Variants in KLF8 observed in about 807,000 individuals in gnomAD.
The protein encoded by KLF8 is KLF transcription factor 8.
A neutral mutation model predicts 18.2 loss-of-function variants in KLF8; 10 were observed. That is an observed-to-expected ratio of 0.55 (90% confidence interval 0.34 to 0.93). KLF8 has a LOEUF of 0.93. Ranked by LOEUF, KLF8 falls within the 40% of genes least tolerant of loss-of-function variation. KLF8 has a pLI of 0.02. For synonymous variants in KLF8, 109 were observed against 97.3 expected (o/e 1.12, Z -0.71); for missense variants, 264 against 277.9 (o/e 0.95, Z 0.36).
At chrX:56,166,138 T>TTA in the KLF8 span, among the ~76,000 whole-genome samples, 17 of 106,712 alleles carry the variant, frequency 1.6e-4, no homozygotes, top group East Asian at 2.0e-3. Flanking sequence ...AGTGCTTTAT[T>TTA]TTTTTTTTTT....
the KLF8 span, chrX:56,074,688 G>A: frequency 1.7e-4 from 28 of 165,326 alleles, no homozygotes; most frequent in African/African-American, 7.9e-4. Flanking sequence ...TAGATAATTG[G>A]ACCTTTTTAG....
At chrX:56,173,688 G>A in the KLF8 span, among the ~76,000 whole-genome samples, 3 of 111,621 alleles carry the variant, frequency 2.7e-5, no homozygotes, top group African/African-American at 9.7e-5. Context: ...ATTACCTTGG[G>A]CATTATGGCC....
chrX:56,277,606 C>G (rs1395627883), intron 5 of KLF8, among the ~76,000 whole-genome samples: 3 of 112,265 alleles, frequency 2.7e-5, no homozygotes, highest in Non-Finnish European at 5.6e-5. Context: ...AGGCCTTAAA[C>G]TAATACAGCA....
the KLF8 span, among the ~76,000 whole-genome samples, chrX:56,168,280 G>T: frequency 2.7e-5 from 3 of 111,034 alleles, no homozygotes; most frequent in African/African-American, 9.8e-5. Context: ...TATCCAAAAA[G>T]AAATTATGAA....
chrX:56,048,146 C>T, the KLF8 span, among the ~76,000 whole-genome samples: 1 of 111,292 alleles, frequency 9.0e-6, no homozygotes, highest in African/African-American at 3.3e-5. Context: ...TGTTTGAGTT[C>T]ATTGTAGATT....
At chrX:56,225,429 A>G in the KLF8 span, among the ~76,000 whole-genome samples, 1 of 111,340 alleles carries the variant, frequency 9.0e-6, no homozygotes, top group African/African-American at 3.3e-5. Flanking sequence ...AGGGGGTATG[A>G]CAACTATGTT....
At chrX:56,024,632 C>T in the KLF8 span, among the ~76,000 whole-genome samples, 1 of 112,011 alleles carries the variant, frequency 8.9e-6, no homozygotes, top group Non-Finnish European at 1.9e-5. Context: ...GTGAAAGGGC[C>T]ATGATTGATC....
At chrX:56,097,511 C>G in the KLF8 span, among the ~76,000 whole-genome samples, 4 of 107,088 alleles carry the variant, frequency 3.7e-5, no homozygotes, top group Non-Finnish European at 7.7e-5. Context: ...AACAATCACT[C>G]TTTTATTATT....
At chrX:56,247,489 C>G (rs1391995345) in intron 1 of KLF8, among the ~76,000 whole-genome samples, 1 of 112,010 alleles carries the variant, frequency 8.9e-6, no homozygotes, top group Admixed American at 9.5e-5. Flanking sequence ...ATAAATTAAC[C>G]TTAGCTTACT....
chrX:56,122,798 AG>A, the KLF8 span, among the ~76,000 whole-genome samples: 1 of 110,655 alleles, frequency 9.0e-6, no homozygotes, highest in Non-Finnish European at 1.9e-5. Context: ...TATATTGCCT[AG>A]GCTGGTCTTG....
chrX:56,214,547 C>A, the KLF8 span, among the ~76,000 whole-genome samples: 1 of 112,121 alleles, frequency 8.9e-6, no homozygotes, highest in East Asian at 2.8e-4. Context: ...GGATGAATGA[C>A]CTCAGTCAAT....
the KLF8 span, among the ~76,000 whole-genome samples, chrX:56,124,511 A>G: frequency 1.1e-4 from 12 of 112,286 alleles, no homozygotes; most frequent in Middle Eastern, 4.6e-3. Flanking sequence ...CTGATGCCAT[A>G]TAAAACATGA....
At chrX:56,158,688 G>A in the KLF8 span, among the ~76,000 whole-genome samples, 1 of 111,912 alleles carries the variant, frequency 8.9e-6, no homozygotes, top group Non-Finnish European at 1.9e-5. Flanking sequence ...TTGGCTGTTT[G>A]TCTGTTATTG....
chrX:56,148,755 G>A, the KLF8 span, among the ~76,000 whole-genome samples: 1,341 of 111,404 alleles, frequency 0.012, 9 homozygotes, highest in African/African-American at 0.042. Flanking sequence ...TTATAAAACC[G>A]TCAGATCTCT....
In KLF8 at chrX:56,269,416, C is replaced by A; in HGVS notation, c.685C>A (p.Pro229Thr). ...CACCTCCATGTCTCCACTGGAAATT[C>A]CAAGTGACAGTGAGGAGAGTACAAT... Reference protein sequence around the residue: ...DPTSMSPLEIPSDSEESTIES... With the variant: ...DPTSMSPLEITSDSEESTIES... Residue 229 changes from proline (P) to threonine (T), a missense_variant, in exon 4 of 6, where the codon CCA becomes ACA. Pro to Thr is a conservative substitution (Grantham distance 38). Transcript: ENST00000468660. The A allele has an allele frequency of 2.5e-6, 3 of 1,209,115 alleles. No individual in the cohort carries two copies. Among genetic ancestry groups the A allele is most frequent in the Non-Finnish European group, 3.4e-6 (3 of 894,450 alleles).
the KLF8 span, among the ~76,000 whole-genome samples, chrX:55,936,483 A>T: frequency 8.9e-6 from 1 of 112,796 alleles, no homozygotes; most frequent in Non-Finnish European, 1.9e-5. Flanking sequence ...TGCATTTCCA[A>T]CTGAGGTACC....
At chrX:55,921,321 G>T in the KLF8 span, among the ~76,000 whole-genome samples, 1 of 111,703 alleles carries the variant, frequency 9.0e-6, no homozygotes, top group East Asian at 2.8e-4. Flanking sequence ...GCTTGTTTTT[G>T]CCAGGTTTGT....
At chrX:55,925,995 TTG>T in the KLF8 span, among the ~76,000 whole-genome samples, 1 of 111,984 alleles carries the variant, frequency 8.9e-6, no homozygotes, top group African/African-American at 3.2e-5. Flanking sequence ...GCATTATCCT[TTG>T]TGTTATAAAC....
the KLF8 span, chrX:55,962,444 G>A: frequency 4.2e-6 from 1 of 240,504 alleles, no homozygotes; most frequent in Non-Finnish European, 7.8e-6. Context: ...CAGCAACATG[G>A]GCTACCTTGC....
Sources: gnomAD v4.1 joint callset for allele counts (sites outside exome capture counted in the v4.1 genomes callset) on GRCh38, gnomAD v4.1.1 for gene constraint, MANE v1.5 for transcripts, NCBI Gene and HGNC (gene_info 2026-07-23, HGNC 2026-07-21) for gene names.